HPS5: variants seen among roughly 807,000 people sequenced by gnomAD.
The protein encoded by HPS5 is HPS5 biogenesis of lysosomal organelles complex 2 subunit 2.
A neutral mutation model predicts 128.0 loss-of-function variants in HPS5; 83 were observed. The observed-to-expected ratio is 0.65, with a 90% confidence interval of 0.54 to 0.78. The LOEUF (loss-of-function observed/expected upper bound fraction) is 0.78, where lower values mean the gene tolerates loss of function less well. Ranked by LOEUF, HPS5 falls within the 30% of genes least tolerant of loss-of-function variation. The pLI, the probability that HPS5 is intolerant of heterozygous loss-of-function variation, is 0.00. For missense variants in HPS5, 1,281 were observed against 1,326.2 expected (o/e 0.97, Z 0.53); for synonymous variants, 475 against 470.2 (o/e 1.01, Z -0.13).
chr11:18,309,687 T>C (rs901730644), intron 5 of HPS5, among the ~76,000 whole-genome samples: 1 of 152,218 alleles, frequency 6.6e-6, no homozygotes, highest in Non-Finnish European at 1.5e-5. Context: ...AATATTCTGA[T>C]GTGTTCATTA....
chr11:18,288,778 C>T (rs1053605873), intron 16 of HPS5, among the ~76,000 whole-genome samples: 19 of 150,906 alleles, frequency 1.3e-4, no homozygotes, highest in Non-Finnish European at 2.4e-4. Flanking sequence ...GGTCTTCCTA[C>T]GTTGCCTAGC....
chr11:18,309,514 T>A (rs1862730887), intron 5 of HPS5, among the ~76,000 whole-genome samples: 1 of 151,740 alleles, frequency 6.6e-6, no homozygotes, highest in African/African-American at 2.4e-5. Flanking sequence ...TGTCTCTAGA[T>A]AAATAAAGTT....
chr11:18,305,148 T>C (rs1862202995), intron 8 of HPS5, among the ~76,000 whole-genome samples: 1 of 152,160 alleles, frequency 6.6e-6, no homozygotes, highest in Non-Finnish European at 1.5e-5. Context: ...GTAGGAGAGG[T>C]TATGAGGCGG....
chr11:18,315,964 AG>A (rs1297984156), intron 2 of HPS5, among the ~76,000 whole-genome samples: 1 of 152,196 alleles, frequency 6.6e-6, no homozygotes, highest in East Asian at 1.9e-4. Context: ...CCTATGAAAG[AG>A]GGTACACACA....
rs371535842 is a variant in HPS5 at position 18,279,812 on chromosome 11, G to A, written c.*70C>T. 1.4e-3 allele frequency: 1,983 copies of A among 1,440,388 alleles called. 20 individuals are homozygous for A. Among genetic ancestry groups the A allele is most frequent in the South Asian group, 7.7e-3 (669 of 86,776 alleles). 89.2% of individuals were successfully genotyped at this position (1,440,388 alleles called of 1,614,324 possible). A position where few individuals can be genotyped will look rare whatever the true frequency, so the allele number is the denominator to read the frequency against. ...GTGTCTTTCCTTCAATAACAAATGC[G>A]TTCAGAAGGTTCAGGAGCATGATTT... On this transcript the variant is annotated 3_prime_UTR_variant, in exon 23 of 23. Transcript: ENST00000349215.
rs1053290822 is a variant in HPS5, at chr11:18,312,111, G to A, written c.109-87C>T. 6 of 995,636 alleles carry A rather than the reference G, an allele frequency of 6.0e-6. No homozygotes were observed. The African/African-American group carries it at 6.4e-5, about 11-fold the overall frequency. 61.7% of individuals were successfully genotyped at this position (995,636 alleles called of 1,614,324 possible). A position where few individuals can be genotyped will look rare whatever the true frequency, so the allele number is the denominator to read the frequency against. ...CTGAAAATAAATACTGAGGATTTAT[G>A]CATCAGGCTCCTTCCCTCACTTTAC... On this transcript the variant is annotated intron_variant, in intron 2 of 22. Transcript: ENST00000349215.
At chr11:18,317,993 A>C (rs1013162960) in intron 1 of HPS5, 86 bp from the exon 2 acceptor site, 11 of 1,020,790 alleles carry the variant, frequency 1.1e-5, no homozygotes, top group Non-Finnish European at 1.2e-5. Context: ...ACATAGAGAA[A>C]CATGAGAAAG....
chr11:18,286,866 AC>A (rs1381620707), intron 18 of HPS5, 156 bp from the exon 19 acceptor site: 1 of 931,186 alleles, frequency 1.1e-6, no homozygotes, highest in African/African-American at 1.7e-5. Context: ...AATGCTGGTG[AC>A]CAAGCTCCAA....
At position 18,317,874 on chromosome 11, in the gene HPS5, A is replaced by G; in HGVS notation, c.-16T>C. The G allele has an allele frequency of 1.2e-6, 2 of 1,610,206 alleles. No individual in the cohort carries two copies. The highest frequency in any genetic ancestry group is 1.7e-6 in the Non-Finnish European group (2 of 1,177,676). On this transcript the variant is annotated 5_prime_UTR_variant, in exon 2 of 23. Coordinates refer to ENST00000349215, the MANE Select transcript of HPS5 (RefSeq NM_181507.2). ...CAAAAGCCATTTAGCCAGAAAGCTG[A>G]AACTTGTTGAATGATAGATACAGTA...
intron 21 of HPS5, among the ~76,000 whole-genome samples, chr11:18,283,070 C>G (rs1407834307): frequency 6.6e-6 from 1 of 152,138 alleles, no homozygotes; most frequent in Non-Finnish European, 1.5e-5. Flanking sequence ...GGTGCGATCT[C>G]AGCTCACTGC....
At chr11:18,297,324 G>A (rs887399220) in intron 11 of HPS5, among the ~76,000 whole-genome samples, 3 of 152,122 alleles carry the variant, frequency 2.0e-5, no homozygotes, top group African/African-American at 7.2e-5. Flanking sequence ...GGAGCTATAT[G>A]AGTATATCAG....
Position 18,291,837 on chromosome 11 carries a change from C to T in HPS5, c.2045G>A (p.Gly682Glu), listed in dbSNP as rs756212285. 1 of 1,609,344 alleles carries T rather than the reference C, an allele frequency of 6.2e-7. No individual in the cohort carries two copies. Among genetic ancestry groups the T allele is most frequent in the East Asian group, 2.2e-5 (1 of 44,752 alleles). ...TTTTTCATTATCTTCATCTAATATT[C>T]CCTTTTTTGATTCATTAACTAATAG... ...DVLLVNESKK[G>E]ILDEDNEKEK... The change falls in exon 16 of 23, where the codon GGA (glycine) becomes GAA (glutamate). Residue 682 changes from glycine (G) to glutamate (E), a missense_variant. Physicochemically the swap from Gly to Glu is moderately conservative, Grantham distance 98 (BLOSUM62 -2). Coordinates refer to ENST00000349215, the MANE Select transcript of HPS5 (RefSeq NM_181507.2).
chr11:18,305,369 A>G, intron 8 of HPS5, 53 bp downstream of exon 8: 1 of 1,192,492 alleles, frequency 8.4e-7, no homozygotes, highest in Non-Finnish European at 1.3e-6. Context: ...AAACAGAGAT[A>G]AAAATCTAAG....
chr11:18,298,085 C>CA (rs1200784930), intron 10 of HPS5, among the ~76,000 whole-genome samples: 116 of 70,316 alleles, frequency 1.6e-3, no homozygotes, highest in Non-Finnish European at 1.9e-3. Flanking sequence ...GACTTCATCT[C>CA]AAAAAAAAAA....
At chr11:18,297,879 A>T (rs1861262741) in intron 10 of HPS5, among the ~76,000 whole-genome samples, 162 bp from the exon 11 acceptor site, 1 of 152,210 alleles carries the variant, frequency 6.6e-6, no homozygotes, top group Non-Finnish European at 1.5e-5. Context: ...CAGGAGTTCA[A>T]GACAAGCCTG....
chr11:18,311,809 C>G (rs777198005), intron 3 of HPS5, 105 bp downstream of exon 3: 68 of 936,176 alleles, frequency 7.3e-5, no homozygotes, highest in Admixed American at 2.4e-4. Flanking sequence ...CCGCACCAAG[C>G]CAAGTTCTAC....
chr11:18,306,266 G>C lies in HPS5; in HGVS notation c.693C>G (p.Gly231=). ...ACFFPGRCSG[G]QQPLIYCARP... ...GAGCACAATATATCAGAGGTTGCTGGCCCCCAGAACATCTTCCAGGAAAGA... is the reference window on the plus strand; with the variant it reads ...GAGCACAATATATCAGAGGTTGCTGCCCCCCAGAACATCTTCCAGGAAAGA... Residue 231 remains glycine, a synonymous_variant, in exon 7 of 23, where the codon GGC becomes GGG. Transcript: ENST00000349215. 6.2e-7 allele frequency: 1 copy of C among 1,613,896 alleles called. No individual in the cohort carries two copies. The highest frequency in any genetic ancestry group is 1.1e-5 in the South Asian group (1 of 91,078).
Position 18,310,727 on chromosome 11 carries a change from G to T in HPS5, c.477+14C>A. 3 of 1,596,852 alleles carry T rather than the reference G, an allele frequency of 1.9e-6. No homozygotes were observed. Among genetic ancestry groups the T allele is most frequent in the Non-Finnish European group, 2.6e-6 (3 of 1,165,680 alleles). On this transcript the variant is annotated intron_variant, in intron 5 of 22. Transcript: ENST00000349215. ...TATCTCACTACATACACAAAGAATG[G>T]GACTGCTTCTCACCTTTGCTTGTTT...
rs1446437238 is a variant in HPS5, at chr11:18,297,711, T to C, written c.1171A>G (p.Lys391Glu). The change falls in exon 11 of 23, where the codon AAA (lysine) becomes GAA (glutamate). Residue 391 changes from lysine to glutamate, a missense_variant. By Grantham distance (56) the Lys-to-Glu change is moderately conservative. Transcript: ENST00000349215. ...TCCAATTTATCTGCAGTCAAAGTTT[T>C]TCTTGCCTAATAAAACAACAGCGCA... ...QNSVIASRAR[K>E]TLTADKLEHL... is the part of the protein sequence containing the mutation. The C allele has an allele frequency of 6.2e-7, 1 of 1,613,952 alleles. No homozygotes were observed. The highest frequency in any genetic ancestry group is 1.7e-5 in the Admixed American group (1 of 60,030).
Sources: allele counts gnomAD v4.1 joint callset (sites outside exome capture counted in the v4.1 genomes callset), GRCh38; gene constraint gnomAD v4.1.1; transcripts MANE v1.5; gene names NCBI Gene and HGNC (gene_info 2026-07-23, HGNC 2026-07-21).